Variants in WWC1 observed in about 807,000 individuals in gnomAD.
The protein encoded by WWC1 is protein KIBRA.
A neutral mutation model predicts 138.4 loss-of-function variants in WWC1; 55 were observed. That is an observed-to-expected ratio of 0.40 (90% CI 0.32 to 0.50). The LOEUF (loss-of-function observed/expected upper bound fraction) is 0.50, where lower values mean the gene tolerates loss of function less well. Among genes scored for constraint, WWC1 ranks in the 20% least tolerant of loss-of-function variants. WWC1 has a pLI of 0.72. For missense variants in WWC1, 1,226 were observed against 1,420.4 expected (o/e 0.86, Z 2.20); for synonymous variants, 524 against 564.9 (o/e 0.93, Z 1.03).
intron 1 of WWC1, among the ~76,000 whole-genome samples, chr5:168,334,300 T>C (rs1005383895): frequency 6.6e-6 from 1 of 152,074 alleles, no homozygotes; most frequent in Non-Finnish European, 1.5e-5. Context: ...AACACAGGAC[T>C]GACCCTGATT....
intron 3 of WWC1, among the ~76,000 whole-genome samples, chr5:168,390,070 G>T (rs559139277): frequency 7.9e-5 from 12 of 152,182 alleles, no homozygotes; most frequent in African/African-American, 2.9e-4. Context: ...AGACTTTTTT[G>T]GTTCAAATCC....
chr5:168,406,286 G>C lies in WWC1; in HGVS notation c.679G>C (p.Ala227Pro). 6.2e-7 allele frequency: 1 copy of C among 1,614,042 alleles called. No homozygotes were observed. Among genetic ancestry groups the C allele is most frequent in the Non-Finnish European group, 8.5e-7 (1 of 1,179,948 alleles). The change falls in exon 6 of 23, where the codon GCT becomes CCT. Residue 227 changes from alanine to proline, a missense_variant. Physicochemically the swap from Ala to Pro is conservative, Grantham distance 27. This residue lies in a region of WWC1 where 1,016 missense variants were observed against 1,153.9 expected (regional missense o/e 0.88). Transcript: ENST00000265293. ...VLRETKAIKKAITCGEKEKQD... is the reference protein window; with the variant it reads ...VLRETKAIKKPITCGEKEKQD... Reference sequence around the variant, plus strand: ...GAGAGAAACAAAAGCCATCAAAAAGGCTATTACCTGTGGGGAAAAGGAAAA... The same window carrying C: ...GAGAGAAACAAAAGCCATCAAAAAGCCTATTACCTGTGGGGAAAAGGAAAA...
intron 1 of WWC1, among the ~76,000 whole-genome samples, chr5:168,367,918 G>A (rs772758577): frequency 3.3e-5 from 5 of 150,274 alleles, no homozygotes; most frequent in Non-Finnish European, 5.9e-5. Flanking sequence ...TATTCAGATA[G>A]CGTTTCAATC....
chr5:168,359,221 A>C (rs1775700342), intron 1 of WWC1, among the ~76,000 whole-genome samples: 1 of 151,928 alleles, frequency 6.6e-6, no homozygotes, highest in Non-Finnish European at 1.5e-5. Context: ...ATGTCTGGCT[A>C]ATTTTTTTGT....
At position 168,455,529 on chromosome 5, in the gene WWC1, G is replaced by A. The variant is rs1756235948; in HGVS notation, c.2823+9G>A. ...GCCAGTACGTGTGCCGGGTAAGTGA[G>A]CGTGCGGCCCTCTTCTGCTCCCCTC... On this transcript the variant is annotated intron_variant, in intron 19 of 22. Coordinates refer to ENST00000265293, the MANE Select transcript of WWC1 (RefSeq NM_015238.3). 3.7e-6 allele frequency: 6 copies of A among 1,611,768 alleles called. No individual in the cohort carries two copies. The highest frequency in any genetic ancestry group is 4.2e-6 in the Non-Finnish European group (5 of 1,179,014).
intron 1 of WWC1, among the ~76,000 whole-genome samples, chr5:168,316,993 A>G (rs926671275): frequency 1.3e-5 from 2 of 152,220 alleles, no homozygotes; most frequent in African/African-American, 4.8e-5. Context: ...AAGTGACAAT[A>G]TAGTTCAAAA....
intron 21 of WWC1, 42 bp downstream of exon 21, chr5:168,465,004 C>G: frequency 1.2e-6 from 2 of 1,601,764 alleles, no homozygotes; most frequent in Non-Finnish European, 8.5e-7. Flanking sequence ...GCGCTCTGCC[C>G]CAGAGAGTCG....
At chr5:168,403,905 CACA>C in intron 5 of WWC1, among the ~76,000 whole-genome samples, 1 of 150,528 alleles carries the variant, frequency 6.6e-6, no homozygotes, top group African/African-American at 2.5e-5. Flanking sequence ...CACACACACA[CACA>C]CACTTTTCTT....
At position 168,402,160 on chromosome 5, in the gene WWC1, CT is replaced by C. The variant is rs1779355633; in HGVS notation, c.590+2594del. ...CCAAAGACAAGCCTCCTTTCTTCCC[CT>C]CCCTCTGCCCCATGTTTGATATCAG... is the stretch of plus-strand genomic sequence containing the variant. On this transcript the variant is annotated intron_variant, in intron 5 of 22. Coordinates refer to ENST00000265293, the MANE Select transcript of WWC1 (RefSeq NM_015238.3). Among the ~76,000 whole-genome samples, 2 of 152,222 alleles carry C rather than the reference CT, an allele frequency of 1.3e-5. 1 individual carries two copies. The highest frequency in any genetic ancestry group is 4.1e-4 in the South Asian group (2 of 4,828).
intron 3 of WWC1, among the ~76,000 whole-genome samples, chr5:168,392,287 G>A (rs2152825429): frequency 6.6e-6 from 1 of 152,168 alleles, no homozygotes; most frequent in East Asian, 1.9e-4. Context: ...CCTCTAGGCT[G>A]GACAGTAGAG....
At chr5:168,468,688 T>C (rs2152899137) in intron 22 of WWC1, among the ~76,000 whole-genome samples, 1 of 152,296 alleles carries the variant, frequency 6.6e-6, no homozygotes, top group African/African-American at 2.4e-5. Flanking sequence ...TTCATGCTAA[T>C]GGTCTTTTAA....
At chr5:168,441,994 G>C in intron 16 of WWC1, 160 bp downstream of exon 16, 1 of 1,109,668 alleles carries the variant, frequency 9.0e-7, no homozygotes, top group East Asian at 2.8e-5. Flanking sequence ...TCTCCACTAA[G>C]GGGCAGGCGG....
intron 17 of WWC1, among the ~76,000 whole-genome samples, chr5:168,452,884 T>C (rs970628767): frequency 2.0e-5 from 3 of 151,992 alleles, no homozygotes; most frequent in African/African-American, 7.2e-5. Flanking sequence ...GGTGAACAGA[T>C]CTAAACATGT....
At chr5:168,457,534 G>A in intron 19 of WWC1, among the ~76,000 whole-genome samples, 1 of 152,156 alleles carries the variant, frequency 6.6e-6, no homozygotes, top group East Asian at 1.9e-4. Context: ...TGCAAGCAAT[G>A]GAAATGGACA....
chr5:168,409,556 G>A (rs965003447), intron 7 of WWC1, among the ~76,000 whole-genome samples: 1 of 152,122 alleles, frequency 6.6e-6, no homozygotes, highest in African/African-American at 2.4e-5. Flanking sequence ...CCTCACCAGT[G>A]CCCCTAGAAT....
chr5:168,337,675 C>T (rs1165809045), intron 1 of WWC1, among the ~76,000 whole-genome samples: 2 of 152,138 alleles, frequency 1.3e-5, no homozygotes, highest in African/African-American at 4.8e-5. Context: ...GTGCTACAGA[C>T]GGTAAGGGAG....
At chr5:168,347,425 T>C (rs1050273738) in intron 1 of WWC1, among the ~76,000 whole-genome samples, 2 of 152,234 alleles carry the variant, frequency 1.3e-5, no homozygotes, top group Admixed American at 6.5e-5. Flanking sequence ...TTTGAAATTC[T>C]GTGCCCTAAT....
At chr5:168,309,656 C>A (rs1357979753) in intron 1 of WWC1, among the ~76,000 whole-genome samples, 1 of 152,094 alleles carries the variant, frequency 6.6e-6, no homozygotes, top group Admixed American at 6.5e-5. Flanking sequence ...AAATAGACCC[C>A]TCTCCCTCTG....
chr5:168,297,405 T>C (rs1314777268), intron 1 of WWC1, among the ~76,000 whole-genome samples: 1 of 152,020 alleles, frequency 6.6e-6, no homozygotes, highest in South Asian at 2.1e-4. Flanking sequence ...GGCGGGCAGA[T>C]CACCTGAGGT....
Sources: allele counts gnomAD v4.1 joint callset (sites outside exome capture counted in the v4.1 genomes callset), GRCh38; gene constraint gnomAD v4.1.1; regional missense constraint gnomAD v4.1.1; transcripts MANE v1.5; gene names NCBI Gene and HGNC (gene_info 2026-07-23, HGNC 2026-07-21).